The following PTPRE variants were observed in gnomAD, a reference collection of about 807,000 sequenced individuals.
PTPRE encodes protein tyrosine phosphatase receptor type E, also known as receptor-type tyrosine-protein phosphatase epsilon.
In PTPRE, 51 loss-of-function variants were observed where a neutral mutation model predicts 102.0. That is an observed-to-expected ratio of 0.50 (90% confidence interval 0.40 to 0.63). The LOEUF (loss-of-function observed/expected upper bound fraction) is 0.63, where lower values mean the gene tolerates loss of function less well. Ranked by LOEUF, PTPRE falls within the 30% of genes least tolerant of loss-of-function variation. The pLI is 0.00. For missense variants in PTPRE, 752 were observed against 915.1 expected, an observed-to-expected ratio of 0.82 and a Z score of 2.30; for synonymous variants, 345 against 348.2, an observed-to-expected ratio of 0.99 and a Z score of 0.10.
At chr10:128,071,065 G>A (rs1476319946) in intron 15 of PTPRE, 164 bp downstream of exon 15, 2 of 664,712 alleles carry the variant, frequency 3.0e-6, no homozygotes, top group Non-Finnish European at 5.1e-6. Context: ...CCAAATGTCA[G>A]GTAGAAAAGA....
intron 1 of PTPRE, among the ~76,000 whole-genome samples, chr10:127,919,800 G>T (rs1158913549): frequency 6.6e-6 from 1 of 152,138 alleles, no homozygotes; most frequent in African/African-American, 2.4e-5. Flanking sequence ...CTTATGTGCA[G>T]CATGCTTTTG....
intron 6 of PTPRE, 40 bp from the exon 7 acceptor site, chr10:128,056,083 A>C: frequency 6.8e-7 from 1 of 1,476,950 alleles, no homozygotes; most frequent in Non-Finnish European, 9.5e-7. Context: ...ATGGTGCTTG[A>C]ATCCATCACA....
intron 1 of PTPRE, among the ~76,000 whole-genome samples, chr10:127,981,935 G>A (rs1040813474): frequency 3.9e-5 from 6 of 152,324 alleles, no homozygotes; most frequent in Middle Eastern, 3.4e-3. Context: ...TCTTCTGGGG[G>A]GAGGATGGGC....
intron 11 of PTPRE, 60 bp from the exon 12 acceptor site, chr10:128,068,063 T>C (rs1850429892): frequency 1.3e-6 from 2 of 1,554,456 alleles, no homozygotes; most frequent in Non-Finnish European, 1.7e-6. Flanking sequence ...CAGAATGAGA[T>C]GCTGGGGGAG....
chr10:127,977,676 G>GTGAGCC, intron 1 of PTPRE, among the ~76,000 whole-genome samples: 1 of 152,178 alleles, frequency 6.6e-6, no homozygotes, highest in South Asian at 2.1e-4. Flanking sequence ...TTTCTTCTTT[G>GTGAGCC]CAAGGTTAGG....
chr10:128,077,839 A>G, intron 19 of PTPRE, 56 bp downstream of exon 19: 1 of 1,534,448 alleles, frequency 6.5e-7, no homozygotes, highest in African/African-American at 1.4e-5. Flanking sequence ...GCACCCCCCC[A>G]GTACCCGCAG....
intron 2 of PTPRE, among the ~76,000 whole-genome samples, chr10:128,004,005 A>G (rs1589974413): frequency 1.3e-5 from 2 of 151,994 alleles, no homozygotes; most frequent in East Asian, 3.9e-4. Flanking sequence ...CAATTTACAC[A>G]TGAGTGGGTG....
chr10:128,033,308 G>T (rs1035159496), intron 2 of PTPRE, among the ~76,000 whole-genome samples: 1 of 152,220 alleles, frequency 6.6e-6, no homozygotes, highest in African/African-American at 2.4e-5. Context: ...GCTCCCAAGG[G>T]TAGAAGAATT....
At chr10:127,992,134 G>C (rs1019657961) in intron 2 of PTPRE, among the ~76,000 whole-genome samples, 2 of 152,132 alleles carry the variant, frequency 1.3e-5, no homozygotes, top group African/African-American at 2.4e-5. Flanking sequence ...GTGGCAGGAG[G>C]GGTGCAGATC....
chr10:128,038,239 G>T lies in PTPRE; in HGVS notation c.-7-2636G>T, dbSNP rs117174354. On this transcript the variant is annotated intron_variant, in intron 2 of 20. Coordinates refer to ENST00000254667, the MANE Select transcript of PTPRE (RefSeq NM_006504.6). ...CATTGGCCTTAAAACTATTGTGGAAGTTAGTGTGGTGATTCCTTAAGGATC... is the reference window on the plus strand; with the variant it reads ...CATTGGCCTTAAAACTATTGTGGAATTTAGTGTGGTGATTCCTTAAGGATC... 0.013 allele frequency among the ~76,000 whole-genome samples: 1,923 copies of T among 152,314 alleles called. 174 individuals carry two copies. In the East Asian group the frequency reaches 0.24, roughly 19 times the overall value.
At chr10:127,911,970 C>T (rs957532774) in intron 1 of PTPRE, among the ~76,000 whole-genome samples, 1 of 151,840 alleles carries the variant, frequency 6.6e-6, no homozygotes, top group African/African-American at 2.4e-5. Flanking sequence ...AAGAGTTGGT[C>T]GAATGTTACC....
Position 128,077,646 on chromosome 10 carries a change from A to C in PTPRE, c.1755A>C (p.Arg585=). The C allele has an allele frequency of 6.2e-7, 1 of 1,613,196 alleles. No individual in the cohort carries two copies. ...QPQARQEEQV[R]VVRQFHFHGW... ...AGGCCCGCCAGGAGGAGCAGGTCCG[A>C]GTAGTGCGCCAGTTTCACTTCCACG... Residue 585 remains arginine, a synonymous_variant, in exon 19 of 21, where the codon CGA becomes CGC. Transcript: ENST00000254667.
At chr10:128,000,700 A>G (rs986510119) in intron 2 of PTPRE, among the ~76,000 whole-genome samples, 8 of 152,376 alleles carry the variant, frequency 5.3e-5, no homozygotes, top group Admixed American at 5.2e-4. Context: ...ATTTCATTCT[A>G]TGTGGTACTT....
intron 2 of PTPRE, among the ~76,000 whole-genome samples, chr10:127,986,228 T>C (rs1436423133): frequency 6.6e-6 from 1 of 151,956 alleles, no homozygotes; most frequent in African/African-American, 2.4e-5. Context: ...TAACAATAGA[T>C]TTATGAAAAT....
intron 1 of PTPRE, among the ~76,000 whole-genome samples, chr10:127,981,795 C>T (rs952706475): frequency 6.7e-6 from 1 of 148,930 alleles, no homozygotes; most frequent in Non-Finnish European, 1.5e-5. Context: ...CCAGCCTGGG[C>T]GACAGAGCAA....
At chr10:127,914,836 C>T (rs965935621) in intron 1 of PTPRE, among the ~76,000 whole-genome samples, 1 of 152,176 alleles carries the variant, frequency 6.6e-6, no homozygotes, top group African/African-American at 2.4e-5. Context: ...GCCCTGCTTG[C>T]TGGGCACGAG....
chr10:127,983,556 A>C (rs1180631211), intron 2 of PTPRE, among the ~76,000 whole-genome samples: 1 of 152,222 alleles, frequency 6.6e-6, no homozygotes, highest in Non-Finnish European at 1.5e-5. Flanking sequence ...TTGAACGCTT[A>C]TTAAATGTGG....
At chr10:127,916,708 C>A (rs896399912) in intron 1 of PTPRE, among the ~76,000 whole-genome samples, 1 of 152,012 alleles carries the variant, frequency 6.6e-6, no homozygotes, top group Non-Finnish European at 1.5e-5. Flanking sequence ...GGGGATGGGA[C>A]AAAAAGGTGG....
At position 128,008,755 on chromosome 10, in the gene PTPRE, A is replaced by C. The variant is rs1398853721; in HGVS notation, c.-8+26459A>C. 6.6e-6 allele frequency among the ~76,000 whole-genome samples: 1 copy of C among 152,202 alleles called. No individual in the cohort carries two copies. Among genetic ancestry groups the C allele is most frequent in the Non-Finnish European group, 1.5e-5 (1 of 68,038 alleles). ...ACAGAGCTGCCAGCCCTTTCTCAGA[A>C]GCACATCAGCTGAATAAATGCACCA... is the stretch of plus-strand genomic sequence containing the variant. On this transcript the variant is annotated intron_variant, in intron 2 of 20. Coordinates refer to ENST00000254667, the MANE Select transcript of PTPRE (RefSeq NM_006504.6). The surrounding 1 kb of genome is among the most constrained non-coding windows in gnomAD (Gnocchi z 4.0).
Sources: allele counts gnomAD v4.1 joint callset (sites outside exome capture counted in the v4.1 genomes callset), GRCh38; gene constraint gnomAD v4.1.1; non-coding constraint Gnocchi (gnomAD v3.1); transcripts MANE v1.5; gene names NCBI Gene and HGNC (gene_info 2026-07-23, HGNC 2026-07-21).